The following PARP12 variants were observed in gnomAD, a reference collection of about 807,000 sequenced individuals.
PARP12 encodes protein mono-ADP-ribosyltransferase PARP12.
Under a neutral mutation model 72.4 loss-of-function variants are expected in PARP12, and 59 were observed. That is an observed-to-expected ratio of 0.81 (90% CI 0.66 to 1.01). PARP12 has a LOEUF of 1.01. Among genes scored for constraint, PARP12 ranks in the 50% least tolerant of loss-of-function variants. PARP12 has a pLI of 0.00. For synonymous variants in PARP12, 403 were observed against 371.4 expected, an observed-to-expected ratio of 1.09 and a Z score of -0.98; for missense variants, 851 against 914.0, an observed-to-expected ratio of 0.93 and a Z score of 0.89.
intron 3 of PARP12, among the ~76,000 whole-genome samples, chr7:140,055,673 C>G (rs1817150151): frequency 6.6e-6 from 1 of 152,226 alleles, no homozygotes; most frequent in African/African-American, 2.4e-5. Flanking sequence ...GATCCCTCCT[C>G]CCTTTCTGAC....
intron 11 of PARP12, chr7:140,025,155 C>G: frequency 2.1e-6 from 1 of 473,558 alleles, no homozygotes; most frequent in Non-Finnish European, 3.9e-6. Flanking sequence ...CCCACGAAAC[C>G]TAAAGGCCTG....
intron 7 of PARP12, among the ~76,000 whole-genome samples, chr7:140,036,457 C>T (rs1031330440): frequency 5.9e-5 from 9 of 152,164 alleles, no homozygotes; most frequent in South Asian, 2.1e-4. Context: ...AGAGGCAGTT[C>T]GCACTCTAGA....
At position 140,034,120 on chromosome 7, in the gene PARP12, T is replaced by G. The variant is rs897708047; in HGVS notation, c.1421+115A>C. ...AACGATAACAGAGTGTGGGAGCACTTCGTTGTACAAGCCAACGGTGCCCGG... is the reference window on the plus strand; with the variant it reads ...AACGATAACAGAGTGTGGGAGCACTGCGTTGTACAAGCCAACGGTGCCCGG... On this transcript the variant is annotated intron_variant, in intron 8 of 11. Coordinates refer to ENST00000263549, the MANE Select transcript of PARP12 (RefSeq NM_022750.4). The G allele has an allele frequency of 1.1e-5, 16 of 1,426,096 alleles. No homozygotes were observed. In the African/African-American group the frequency reaches 2.2e-4, roughly 19 times the overall value. The allele number at this position is 1,426,096 out of a possible 1,614,324, so 88.3% of individuals were successfully genotyped here. A position where few individuals can be genotyped will look rare whatever the true frequency, so the allele number is the denominator to read the frequency against.
intron 4 of PARP12, among the ~76,000 whole-genome samples, chr7:140,047,827 G>A (rs1816796072): frequency 6.6e-6 from 1 of 152,074 alleles, no homozygotes; most frequent in Non-Finnish European, 1.5e-5. Context: ...TGTTGGCCAG[G>A]CTAGTCTCGA....
chr7:140,041,293 A>G (rs927513550), intron 6 of PARP12: 4 of 185,606 alleles, frequency 2.2e-5, no homozygotes, highest in Non-Finnish European at 3.4e-5. Flanking sequence ...CTACACAAAC[A>G]CACTTGCACA....
Position 140,054,682 on chromosome 7 carries a change from C to T in PARP12, c.842G>A (p.Arg281Gln), listed in dbSNP as rs77876256. 345 of 1,613,636 alleles carry T rather than the reference C, an allele frequency of 2.1e-4. No individual in the cohort carries two copies. The highest frequency in any genetic ancestry group is 2.9e-4 in the Non-Finnish European group (339 of 1,179,586). ...CTTACCTTGAAAGCTACAACTTTTC[C>T]GGATATGGTACAAACAGATCTGATC... is the stretch of plus-strand genomic sequence containing the variant. Reference protein sequence around the residue: ...EGDQICLYHIRKSCSFQDKCH... With the variant: ...EGDQICLYHIQKSCSFQDKCH... The change falls in exon 4 of 12, where the codon CGG (arginine) becomes CAG (glutamine). Residue 281 changes from arginine to glutamine, a missense_variant. By Grantham distance (43) the Arg-to-Gln change is conservative. Around this residue, in one of 3 missense-constraint regions of PARP12, gnomAD observed 492 missense variants for 489.3 expected, o/e 1.01. Transcript: ENST00000263549.
intron 6 of PARP12, among the ~76,000 whole-genome samples, chr7:140,041,020 G>A (rs937469283): frequency 2.6e-5 from 4 of 152,088 alleles, no homozygotes; most frequent in African/African-American, 9.7e-5. Context: ...TGCCCACCTC[G>A]GCCTCCCAAA....
rs1450038069 is a variant in PARP12 at position 140,046,890 on chromosome 7, A to G, written c.980T>C (p.Ile327Thr). The change falls in exon 5 of 12, where the codon ATA becomes ACA. Residue 327 changes from isoleucine (I) to threonine (T), a missense_variant. Ile to Thr is a moderately conservative substitution (Grantham distance 89). This residue lies in a region of PARP12 where 492 missense variants were observed against 489.3 expected (regional missense o/e 1.01). Transcript: ENST00000263549. ...LIEEAYCNPK[I>T]ERILCSESAS... ...CAAGGGACATATTTCCTACCTTTCT[A>G]TTTTGGGATTGCAATATGCCTCTTC... The G allele has an allele frequency of 1.2e-6, 2 of 1,613,140 alleles. No homozygotes were observed. The highest frequency in any genetic ancestry group is 1.1e-5 in the South Asian group (1 of 90,958).
rs187316009 is a variant in PARP12, at chr7:140,030,702, T to C, written c.1422-2014A>G. Among the ~76,000 whole-genome samples, 589 of 152,390 alleles carry C rather than the reference T, an allele frequency of 3.9e-3. 11 individuals carry two copies. Among genetic ancestry groups the C allele is most frequent in the Admixed American group, 0.031 (468 of 15,306 alleles). The stretch of plus-strand genomic sequence containing the variant: ...TCATCGAAGGCAGCCTTGTCCAACC[T>C]GCAGCCCGCAGGCTGCATGTAACCC... On this transcript the variant is annotated intron_variant, in intron 8 of 11. Transcript: ENST00000263549.
chr7:140,061,904 A>G (rs2116690280), intron 1 of PARP12, among the ~76,000 whole-genome samples: 1 of 151,140 alleles, frequency 6.6e-6, no homozygotes, highest in East Asian at 2.0e-4. Flanking sequence ...AGGATTAACA[A>G]ATAGGGCCAA....
chr7:140,060,614 C>T (rs1219629398), intron 1 of PARP12, among the ~76,000 whole-genome samples: 2 of 152,218 alleles, frequency 1.3e-5, no homozygotes, highest in Admixed American at 6.5e-5. Context: ...TGGGAACTAG[C>T]TTAAGAACAG....
intron 9 of PARP12, among the ~76,000 whole-genome samples, chr7:140,028,023 C>T (rs1160849429): frequency 6.6e-6 from 1 of 152,174 alleles, no homozygotes; most frequent in Non-Finnish European, 1.5e-5. Flanking sequence ...GGACAGGGAC[C>T]GTCACGTTTT....
At chr7:140,028,528 T>C in intron 9 of PARP12, 85 bp downstream of exon 9, 2 of 1,178,100 alleles carry the variant, frequency 1.7e-6, no homozygotes, top group African/African-American at 3.2e-5. Context: ...GCTTCTTCAG[T>C]GTTGAGGAAT....
intron 6 of PARP12, chr7:140,038,111 C>G (rs1816294040): frequency 1.0e-6 from 1 of 985,258 alleles, no homozygotes; most frequent in Admixed American, 6.1e-5. Flanking sequence ...GGGATGGGAG[C>G]AACGGAGAGG....
intron 4 of PARP12, among the ~76,000 whole-genome samples, chr7:140,049,658 T>C (rs968250763): frequency 1.3e-5 from 2 of 152,096 alleles, no homozygotes; most frequent in African/African-American, 2.4e-5. Flanking sequence ...AGGAAGGACA[T>C]GGGGGCCAGG....
At chr7:140,030,733 A>G (rs1815910123) in intron 8 of PARP12, among the ~76,000 whole-genome samples, 1 of 152,282 alleles carries the variant, frequency 6.6e-6, no homozygotes, top group African/African-American at 2.4e-5. Context: ...AACCCAGGAC[A>G]GCTTTGAATG....
rs747420066 is a variant in PARP12, at chr7:140,062,628, G to A, written c.220C>T (p.Leu74=). 5 of 1,486,080 alleles carry A rather than the reference G, an allele frequency of 3.4e-6. No individual in the cohort carries two copies. The East Asian group carries it at 8.5e-5, about 25-fold the overall frequency. 92.1% of individuals were successfully genotyped at this position (1,486,080 alleles called of 1,614,324 possible). The change falls in exon 1 of 12, where the codon CTG becomes TTG. Residue 74 remains leucine (L), a synonymous_variant. Coordinates refer to ENST00000263549, the MANE Select transcript of PARP12 (RefSeq NM_022750.4). ...TTGGAGCCCTGGTGCGCGCGACACAGGCGCAGCGGCGAGGCGGCCAGCACC... is the reference window on the plus strand; with the variant it reads ...TTGGAGCCCTGGTGCGCGCGACACAAGCGCAGCGGCGAGGCGGCCAGCACC... ...RVVLAASPLR[L]CRAHQGSKPG...
chr7:140,025,139 A>C (rs938236030), intron 11 of PARP12: 1 of 502,438 alleles, frequency 2.0e-6, no homozygotes, highest in South Asian at 2.2e-5. Flanking sequence ...CAAGTTCCGG[A>C]TCTGCCCCAC....
intron 5 of PARP12, among the ~76,000 whole-genome samples, chr7:140,042,581 C>T (rs1009174191): frequency 1.3e-5 from 2 of 152,162 alleles, no homozygotes; most frequent in Non-Finnish European, 1.5e-5. Context: ...GGTCTGAGTA[C>T]GGCAGGAGGC....
Sources: gnomAD v4.1 joint callset for allele counts (sites outside exome capture counted in the v4.1 genomes callset) on GRCh38, gnomAD v4.1.1 for gene constraint, gnomAD v4.1.1 regional missense constraint, MANE v1.5 for transcripts, NCBI Gene and HGNC (gene_info 2026-07-23, HGNC 2026-07-21) for gene names.